HMCN1: variants seen among roughly 807,000 people sequenced by gnomAD.
HMCN1 encodes the protein hemicentin-1.
A neutral mutation model predicts 625.9 loss-of-function variants in HMCN1; 321 were observed. That is an observed-to-expected ratio of 0.51 (90% CI 0.47 to 0.56). The LOEUF (loss-of-function observed/expected upper bound fraction) is 0.56, where lower values mean the gene tolerates loss of function less well. Ranked by LOEUF, HMCN1 falls within the 20% of genes least tolerant of loss-of-function variation. HMCN1 has a pLI of 0.00. For synonymous variants in HMCN1, 2,425 were observed against 2,417.6 expected (o/e 1.00, Z -0.09); for missense variants, 6,588 against 6,887.3 (o/e 0.96, Z 1.54).
intron 1 of HMCN1, among the ~76,000 whole-genome samples, chr1:185,787,950 A>G (rs1361445755): frequency 1.3e-5 from 2 of 152,182 alleles, no homozygotes; most frequent in Non-Finnish European, 1.5e-5. Context: ...TGTATGCTTG[A>G]GTAAATATAT....
At chr1:185,988,495 A>G (rs1030259521) in intron 20 of HMCN1, among the ~76,000 whole-genome samples, 11 of 152,346 alleles carry the variant, frequency 7.2e-5, no homozygotes, top group East Asian at 1.9e-4. Context: ...TGGTGTTGAC[A>G]TTTGTAAATA....
At chr1:186,100,687 A>G (rs1169809889) in intron 68 of HMCN1, among the ~76,000 whole-genome samples, 2 of 152,204 alleles carry the variant, frequency 1.3e-5, no homozygotes, top group African/African-American at 4.8e-5. Context: ...GACCAGTATA[A>G]GGAATTGTGT....
intron 24 of HMCN1, 106 bp downstream of exon 24, chr1:185,995,193 G>A: frequency 9.5e-7 from 1 of 1,053,084 alleles, no homozygotes; most frequent in East Asian, 2.4e-5. Flanking sequence ...TTCAGAAAGA[G>A]TTCTATATAA....
chr1:185,744,387 T>G (rs1654240576), intron 1 of HMCN1, among the ~76,000 whole-genome samples: 1 of 152,164 alleles, frequency 6.6e-6, no homozygotes. Flanking sequence ...ATTCAGTGCT[T>G]TGAGAAGCAT....
At chr1:185,945,709 G>C (rs1245430234) in intron 11 of HMCN1, among the ~76,000 whole-genome samples, 2 of 152,094 alleles carry the variant, frequency 1.3e-5, no homozygotes, top group Non-Finnish European at 2.9e-5. Context: ...AAGAAGTCAG[G>C]ACAGTCTGTT....
chr1:186,063,495 AAGGAAGGAAG>A, intron 48 of HMCN1, among the ~76,000 whole-genome samples: 2 of 140,528 alleles, frequency 1.4e-5, no homozygotes, highest in South Asian at 4.4e-4. Context: ...GGAAGGAAGG[AAGGAAGGAAG>A]GAAGGAAGGG....
rs199617479 is a variant in HMCN1 at position 186,145,935 on chromosome 1, A to C, written c.14608+12A>C. The C allele has an allele frequency of 6.2e-7, 1 of 1,613,710 alleles. No individual in the cohort carries two copies. Reference sequence around the variant, plus strand: ...ACAAGCATGTCCAGGTAAGCAACTAAATTGGACTTTGGTAGCACATTTAGA... The same window carrying C: ...ACAAGCATGTCCAGGTAAGCAACTACATTGGACTTTGGTAGCACATTTAGA... On this transcript the variant is annotated intron_variant, in intron 93 of 106. Coordinates refer to ENST00000271588, the MANE Select transcript of HMCN1 (RefSeq NM_031935.3).
intron 1 of HMCN1, among the ~76,000 whole-genome samples, chr1:185,814,755 G>A (rs1202812365): frequency 1.3e-5 from 2 of 148,286 alleles, no homozygotes; most frequent in Admixed American, 6.6e-5. Context: ...GCAGTGGCTC[G>A]ATCTCAGCTC....
intron 4 of HMCN1, among the ~76,000 whole-genome samples, chr1:185,885,925 AAATTT>A (rs2102400508): frequency 6.6e-6 from 1 of 152,094 alleles, no homozygotes; most frequent in South Asian, 2.1e-4. Flanking sequence ...ATATGATACC[AAATTT>A]AATTTAAAAG....
At position 185,841,040 on chromosome 1, in the gene HMCN1, A is replaced by T. The variant is rs1194350676; in HGVS notation, c.269-4986A>T. Among the ~76,000 whole-genome samples, 3 of 152,272 alleles carry T rather than the reference A, an allele frequency of 2.0e-5. No individual in the cohort carries two copies. In the East Asian group the frequency reaches 5.8e-4, roughly 29 times the overall value. ...AAAGGAAGTGAGAGGCTGGATATTG[A>T]TCTTGCCAAATGAAGCAGTGAAAGA... is the stretch of plus-strand genomic sequence containing the variant. On this transcript the variant is annotated intron_variant, in intron 1 of 106. Coordinates refer to ENST00000271588, the MANE Select transcript of HMCN1 (RefSeq NM_031935.3).
chr1:185,762,289 G>C (rs894531052), intron 1 of HMCN1, among the ~76,000 whole-genome samples: 8 of 152,148 alleles, frequency 5.3e-5, no homozygotes, highest in African/African-American at 1.7e-4. Context: ...TTTCAGTGAA[G>C]TTCTACTTTC....
At chr1:186,035,289 T>C (rs1302176163) in intron 36 of HMCN1, among the ~76,000 whole-genome samples, 1 of 152,152 alleles carries the variant, frequency 6.6e-6, no homozygotes, top group Non-Finnish European at 1.5e-5. Context: ...GGGGTGGTTC[T>C]GGGGTGAGTC....
intron 26 of HMCN1, 46 bp downstream of exon 26, chr1:186,000,285 G>C: frequency 7.4e-7 from 1 of 1,352,530 alleles, no homozygotes; most frequent in Non-Finnish European, 1.1e-6. Context: ...CCAGTCTCCA[G>C]TTCTTAAATG....
At chr1:186,022,887 T>A (rs946684106) in intron 35 of HMCN1, 143 bp from the exon 36 acceptor site, 4 of 796,902 alleles carry the variant, frequency 5.0e-6, no homozygotes, top group Admixed American at 4.0e-5. Context: ...GAACTCGCTC[T>A]AGTCTATCAA....
rs148571164 is a variant in HMCN1, at chr1:186,090,293, A to T, written c.9728-465A>T. 3.7e-3 allele frequency among the ~76,000 whole-genome samples: 563 copies of T among 152,110 alleles called. 4 individuals are homozygous for T. The highest frequency in any genetic ancestry group is 0.013 in the African/African-American group (536 of 41,556). ...ATTGTTCAAAATAAACAATAATTAA[A>T]TTGAATAATGGAGAAAGAAATAACC... On this transcript the variant is annotated intron_variant, in intron 63 of 106. Transcript: ENST00000271588.
chr1:185,797,484 T>A (rs1220349234), intron 1 of HMCN1, among the ~76,000 whole-genome samples: 1 of 152,200 alleles, frequency 6.6e-6, no homozygotes, highest in Non-Finnish European at 1.5e-5. Flanking sequence ...AACAATTTAT[T>A]TTTGTAGAGA....
At position 186,115,288 on chromosome 1, in the gene HMCN1, A is replaced by G. The variant is rs1478129068; in HGVS notation, c.11435A>G (p.Asn3812Ser). Residue 3812 changes from asparagine to serine, a missense_variant, in exon 75 of 107, where the codon AAC becomes AGC. Asn to Ser is a conservative substitution (Grantham distance 46). This residue lies in a region of HMCN1 where 4,628 missense variants were observed against 4,853.1 expected (regional missense o/e 0.95). Transcript: ENST00000271588. ...CCATCTATTGCTCCGGGTCCTACCA[A>G]CATGACTGTAATAGTAAATGTTCAA... ...VPPSIAPGPT[N>S]MTVIVNVQTT... 1.2e-6 allele frequency: 2 copies of G among 1,614,128 alleles called. No individual in the cohort carries two copies. Among genetic ancestry groups the G allele is most frequent in the Admixed American group, 1.7e-5 (1 of 60,034 alleles).
intron 1 of HMCN1, among the ~76,000 whole-genome samples, chr1:185,817,330 A>T (rs533766837): frequency 6.6e-6 from 1 of 152,172 alleles, no homozygotes; most frequent in African/African-American, 2.4e-5. Flanking sequence ...GGGCAGCAAT[A>T]GACAGCAGTG....
intron 4 of HMCN1, among the ~76,000 whole-genome samples, chr1:185,906,498 C>T (rs1666102040): frequency 6.6e-6 from 1 of 151,818 alleles, no homozygotes; most frequent in Admixed American, 6.6e-5. Context: ...GGAAGACTTC[C>T]ATTTTCCTAT....
Sources: gnomAD v4.1 joint callset for allele counts (sites outside exome capture counted in the v4.1 genomes callset) on GRCh38, gnomAD v4.1.1 for gene constraint, gnomAD v4.1.1 regional missense constraint, MANE v1.5 for transcripts, NCBI Gene and HGNC (gene_info 2026-07-23, HGNC 2026-07-21) for gene names.